Variants in ZRANB3 observed in about 807,000 individuals in gnomAD.
ZRANB3 encodes DNA annealing helicase and endonuclease ZRANB3.
A neutral mutation model predicts 133.8 loss-of-function variants in ZRANB3; 125 were observed. The ratio of observed to expected loss-of-function variants is 0.93; its 90% confidence interval spans 0.81 to 1.08. The LOEUF is 1.08. ZRANB3 is among the 50% of genes least tolerant of loss of function. The pLI is 0.00. For synonymous variants in ZRANB3, 387 were observed against 432.7 expected, an observed-to-expected ratio of 0.89 and a Z score of 1.31; for missense variants, 1,229 against 1,275.5, an observed-to-expected ratio of 0.96 and a Z score of 0.56.
At chr2:135,529,146 G>C (rs771402438) in intron 1 of ZRANB3, among the ~76,000 whole-genome samples, 6 of 152,182 alleles carry the variant, frequency 3.9e-5, no homozygotes, top group Non-Finnish European at 5.9e-5. Context: ...GGATTTATAA[G>C]AGAAAATCTC....
chr2:135,493,363 G>GTA (rs1478075162), intron 2 of ZRANB3, among the ~76,000 whole-genome samples: 1 of 150,092 alleles, frequency 6.7e-6, no homozygotes, highest in Non-Finnish European at 1.5e-5. Flanking sequence ...ATCAAAAGGA[G>GTA]GCTACAGACT....
chr2:135,456,114 T>C (rs1440170591), intron 2 of ZRANB3, among the ~76,000 whole-genome samples: 3 of 152,214 alleles, frequency 2.0e-5, no homozygotes, highest in African/African-American at 7.2e-5. Context: ...TACATTCAGC[T>C]GGTATGTTGA....
At chr2:135,439,813 A>G (rs1258080393) in intron 2 of ZRANB3, among the ~76,000 whole-genome samples, 2 of 152,238 alleles carry the variant, frequency 1.3e-5, no homozygotes, top group Non-Finnish European at 2.9e-5. Context: ...AAGCTTCTCA[A>G]GTGATTTTAA....
rs557926886 is a variant in ZRANB3 at position 135,302,244 on chromosome 2, T to C, written c.966+11245A>G. Among the ~76,000 whole-genome samples, 143 of 152,294 alleles carry C rather than the reference T, an allele frequency of 9.4e-4. No individual in the cohort carries two copies. The Middle Eastern group carries it at 0.014, about 14-fold the overall frequency. On this transcript the variant is annotated intron_variant, in intron 8 of 20. Coordinates refer to ENST00000264159, the MANE Select transcript of ZRANB3 (RefSeq NM_032143.4). ...TAAGAATTCCAATTTGGTCATAGCT[T>C]GAATTAATTATTTCTGGCTGTAGCT...
chr2:135,210,320 C>CATTTTATTTTATTTTATTTTATTTT (rs10630129), intron 17 of ZRANB3, among the ~76,000 whole-genome samples: 28 of 151,558 alleles, frequency 1.8e-4, no homozygotes, highest in African/African-American at 6.6e-4. Context: ...CTGATTAATT[C>CATTTTATTTTATTTTATTTTATTTT]ATTTTATTTT....
intron 17 of ZRANB3, among the ~76,000 whole-genome samples, chr2:135,210,021 T>C (rs1179854457): frequency 6.6e-6 from 1 of 152,204 alleles, no homozygotes; most frequent in Non-Finnish European, 1.5e-5. Flanking sequence ...AGAAATTTTC[T>C]CTCTCACTCC....
Position 135,200,067 on chromosome 2 carries a change from A to G in ZRANB3, c.*275T>C. 1 of 480,694 alleles carries G rather than the reference A, an allele frequency of 2.1e-6. No homozygotes were observed. Among genetic ancestry groups the G allele is most frequent in the Non-Finnish European group, 3.8e-6 (1 of 262,350 alleles). 29.8% of individuals were successfully genotyped at this position (480,694 alleles called of 1,614,324 possible). A position where few individuals can be genotyped will look rare whatever the true frequency, so the allele number is the denominator to read the frequency against. The stretch of plus-strand genomic sequence containing the variant: ...GCACAATACAGTGATTAGGCATATT[A>G]GGGGTAAAGAGCTTTACAAAACATT... On this transcript the variant is annotated 3_prime_UTR_variant, in exon 21 of 21. Coordinates refer to ENST00000264159, the MANE Select transcript of ZRANB3 (RefSeq NM_032143.4).
Position 135,251,812 on chromosome 2 carries a change from G to A in ZRANB3, c.1539+13722C>T, listed in dbSNP as rs147042261. Among the ~76,000 whole-genome samples, 1,519 of 152,264 alleles carry A rather than the reference G, an allele frequency of 1.0e-2. 23 individuals are homozygous for A. Among genetic ancestry groups the A allele is most frequent in the African/African-American group, 0.035 (1,448 of 41,560 alleles). ...AGCACTTTGGGAGGCTGAGGTGGGT[G>A]GATCACAAGGTCAGGAGTTTGAGGC... On this transcript the variant is annotated intron_variant, in intron 12 of 20. Coordinates refer to ENST00000264159, the MANE Select transcript of ZRANB3 (RefSeq NM_032143.4).
chr2:135,215,063 G>T (rs571450516), intron 17 of ZRANB3, among the ~76,000 whole-genome samples: 2 of 151,194 alleles, frequency 1.3e-5, no homozygotes, highest in African/African-American at 2.4e-5. Flanking sequence ...GCCTGTGGGC[G>T]TGAGCCACCA....
intron 3 of ZRANB3, among the ~76,000 whole-genome samples, chr2:135,376,630 A>G (rs939340389): frequency 2.6e-5 from 4 of 152,228 alleles, no homozygotes; most frequent in African/African-American, 9.7e-5. Context: ...GATATTCTGG[A>G]AAAGGCAAAA....
At chr2:135,406,175 A>C (rs1688015783) in intron 2 of ZRANB3, among the ~76,000 whole-genome samples, 4 of 152,274 alleles carry the variant, frequency 2.6e-5, no homozygotes, top group South Asian at 2.1e-4. Flanking sequence ...AAACTACCAT[A>C]GGAGAATACT....
chr2:135,219,067 C>A lies in ZRANB3; in HGVS notation c.2352+10G>T. On this transcript the variant is annotated intron_variant, in intron 16 of 20. Coordinates refer to ENST00000264159, the MANE Select transcript of ZRANB3 (RefSeq NM_032143.4). Reference sequence around the variant, plus strand: ...GTAAATAAAGCCATTTTATTTAAAACTATTCTTACCAGTGAGCGATATTGT... The same window carrying A: ...GTAAATAAAGCCATTTTATTTAAAAATATTCTTACCAGTGAGCGATATTGT... 6.9e-7 allele frequency: 1 copy of A among 1,440,928 alleles called. No individual in the cohort carries two copies. The highest frequency in any genetic ancestry group is 9.1e-7 in the Non-Finnish European group (1 of 1,093,518). The allele number at this position is 1,440,928 out of a possible 1,614,324, so 89.3% of individuals were successfully genotyped here.
chr2:135,310,023 A>G (rs1022488643), intron 8 of ZRANB3, among the ~76,000 whole-genome samples: 2 of 151,814 alleles, frequency 1.3e-5, no homozygotes, highest in African/African-American at 4.8e-5. Flanking sequence ...TGCAACCTCC[A>G]CCTCCTGGGT....
At chr2:135,413,315 T>C (rs1688394594) in intron 2 of ZRANB3, among the ~76,000 whole-genome samples, 1 of 152,202 alleles carries the variant, frequency 6.6e-6, no homozygotes, top group Non-Finnish European at 1.5e-5. Flanking sequence ...ATGTGGTCTC[T>C]TTAGTGATTA....
chr2:135,369,767 T>C (rs1340763745), intron 3 of ZRANB3, among the ~76,000 whole-genome samples: 6 of 152,246 alleles, frequency 3.9e-5, no homozygotes, highest in African/African-American at 9.6e-5. Flanking sequence ...TCATTGAGGG[T>C]TGCTCAGTCA....
intron 10 of ZRANB3, among the ~76,000 whole-genome samples, chr2:135,269,763 CTCAAACTAAAAAATGTG>C (rs753347174): frequency 1.8e-4 from 28 of 152,040 alleles, no homozygotes; most frequent in Non-Finnish European, 2.4e-4. Context: ...ATGCAAAATC[CTCAAACTAAAAAATGTG>C]TCAAACTAAA....
intron 8 of ZRANB3, among the ~76,000 whole-genome samples, chr2:135,310,203 C>G (rs189986144): frequency 5.5e-4 from 83 of 152,234 alleles, no homozygotes; most frequent in Admixed American, 3.7e-3. Context: ...TCCCAAAGTG[C>G]TGGGATTACA....
chr2:135,242,781 T>C (rs975310364), intron 12 of ZRANB3, among the ~76,000 whole-genome samples: 1 of 152,170 alleles, frequency 6.6e-6, no homozygotes, highest in African/African-American at 2.4e-5. Flanking sequence ...ATTATCCTCC[T>C]TTCTTTCCTT....
chr2:135,395,442 CTTTT>C (rs533900626), intron 2 of ZRANB3, among the ~76,000 whole-genome samples: 1 of 135,986 alleles, frequency 7.4e-6, no homozygotes, highest in Non-Finnish European at 1.6e-5. Flanking sequence ...GCAAAGATTT[CTTTT>C]TTTTTTTTTT....
Sources: allele counts gnomAD v4.1 joint callset (sites outside exome capture counted in the v4.1 genomes callset), GRCh38; gene constraint gnomAD v4.1.1; transcripts MANE v1.5; gene names NCBI Gene and HGNC (gene_info 2026-07-23, HGNC 2026-07-21).